Variants in NELL1 observed in about 807,000 individuals in gnomAD.
NELL1 encodes the protein protein kinase C-binding protein NELL1.
NELL1 carries 76 observed loss-of-function variants against 107.4 expected under a neutral mutation model. The ratio of observed to expected loss-of-function variants is 0.71; its 90% confidence interval spans 0.59 to 0.86. The LOEUF (loss-of-function observed/expected upper bound fraction) is 0.86. Among genes scored for constraint, NELL1 ranks in the 40% least tolerant of loss-of-function variants. The pLI, the probability that NELL1 is intolerant of heterozygous loss-of-function variation, is 0.00. For missense variants in NELL1, 1,024 were observed against 1,005.5 expected, an observed-to-expected ratio of 1.02 and a Z score of -0.25; for synonymous variants, 353 against 341.2, an observed-to-expected ratio of 1.03 and a Z score of -0.38.
intron 3 of NELL1, among the ~76,000 whole-genome samples, chr11:20,791,576 A>G (rs916249929): frequency 1.3e-5 from 2 of 152,090 alleles, no homozygotes; most frequent in African/African-American, 2.4e-5. Flanking sequence ...TTTATACCAA[A>G]TTGCCCTGGC....
chr11:20,891,127 C>T (rs561596599), intron 5 of NELL1, among the ~76,000 whole-genome samples: 26 of 152,292 alleles, frequency 1.7e-4, no homozygotes, highest in Admixed American at 1.6e-3. Flanking sequence ...ACCAAGTCAC[C>T]TACAAAGGGA....
chr11:21,468,398 C>T (rs1854084364), intron 15 of NELL1, among the ~76,000 whole-genome samples: 1 of 151,892 alleles, frequency 6.6e-6, no homozygotes, highest in South Asian at 2.1e-4. Context: ...TGTTTTCTGC[C>T]TAACGTTATG....
intron 14 of NELL1, among the ~76,000 whole-genome samples, chr11:21,280,864 C>T (rs976093356): frequency 5.9e-5 from 9 of 152,028 alleles, no homozygotes; most frequent in Non-Finnish European, 1.0e-4. Flanking sequence ...AAAGCCTAGG[C>T]TCTAAACAGT....
intron 12 of NELL1, among the ~76,000 whole-genome samples, chr11:21,024,406 T>C (rs1320760274): frequency 6.6e-6 from 1 of 152,162 alleles, no homozygotes; most frequent in South Asian, 2.1e-4. Flanking sequence ...TGGACTCATA[T>C]GGTCCCCATA....
intron 15 of NELL1, among the ~76,000 whole-genome samples, chr11:21,408,435 T>C (rs1279519781): frequency 6.6e-6 from 1 of 152,092 alleles, no homozygotes; most frequent in East Asian, 1.9e-4. Context: ...AGGAGGCCAA[T>C]TGCTTTAGGG....
At position 21,409,876 on chromosome 11, in the gene NELL1, C is replaced by T. The variant is rs554945638; in HGVS notation, c.1645+38928C>T. Among the ~76,000 whole-genome samples, 5 of 150,898 alleles carry T rather than the reference C, an allele frequency of 3.3e-5. No homozygotes were observed. In the South Asian group the frequency reaches 6.3e-4, roughly 19 times the overall value. On this transcript the variant is annotated intron_variant, in intron 15 of 19. Transcript: ENST00000357134. ...CTCTCACACACAAACATATGCATGACGATGAGAAAACAAAAAATGAAAGAA... is the reference window on the plus strand; with the variant it reads ...CTCTCACACACAAACATATGCATGATGATGAGAAAACAAAAAATGAAAGAA...
intron 3 of NELL1, among the ~76,000 whole-genome samples, chr11:20,795,234 G>C (rs1349618170): frequency 3.3e-5 from 5 of 152,140 alleles, no homozygotes; most frequent in African/African-American, 1.2e-4. Context: ...AGGTAACTGA[G>C]CCAATTGAGT....
At chr11:21,543,716 T>G (rs1019812901) in intron 16 of NELL1, among the ~76,000 whole-genome samples, 2 of 152,006 alleles carry the variant, frequency 1.3e-5, no homozygotes, top group African/African-American at 4.8e-5. Context: ...GCATGTGGGC[T>G]AAATTGGATA....
At chr11:21,356,884 A>G (rs1337411241) in intron 14 of NELL1, among the ~76,000 whole-genome samples, 1 of 152,158 alleles carries the variant, frequency 6.6e-6, no homozygotes, top group Admixed American at 6.5e-5. Flanking sequence ...GCTCCCACTT[A>G]TCAGTGAGAA....
intron 14 of NELL1, among the ~76,000 whole-genome samples, chr11:21,344,723 T>C (rs533217570): frequency 5.3e-5 from 8 of 152,304 alleles, no homozygotes; most frequent in East Asian, 1.9e-4. Flanking sequence ...AATCAAGTGA[T>C]AGCCAACGCA....
intron 12 of NELL1, among the ~76,000 whole-genome samples, chr11:20,977,747 C>T (rs1476921624): frequency 6.6e-6 from 1 of 152,168 alleles, no homozygotes; most frequent in African/African-American, 2.4e-5. Context: ...ACCAGCCTTG[C>T]CTGGCACATA....
chr11:21,356,043 T>C (rs1047299894), intron 14 of NELL1, among the ~76,000 whole-genome samples: 2 of 152,162 alleles, frequency 1.3e-5, no homozygotes, highest in Admixed American at 6.6e-5. Context: ...CCGTTATATG[T>C]CACCCTATTT....
At chr11:20,700,542 A>T (rs962688694) in intron 2 of NELL1, among the ~76,000 whole-genome samples, 1 of 151,952 alleles carries the variant, frequency 6.6e-6, no homozygotes, top group South Asian at 2.1e-4. Flanking sequence ...TACTTCTAGG[A>T]TACATGTGCA....
intron 14 of NELL1, chr11:21,285,083 A>G (rs1391635131): frequency 2.6e-5 from 4 of 153,424 alleles, no homozygotes; most frequent in African/African-American, 9.7e-5. Context: ...TTATCCTTTA[A>G]TTCACAAGCA....
chr11:20,791,453 A>G (rs1482852042), intron 3 of NELL1, among the ~76,000 whole-genome samples: 2 of 152,224 alleles, frequency 1.3e-5, no homozygotes, highest in Admixed American at 6.5e-5. Context: ...CTTATTGATT[A>G]GTTCTAATAG....
intron 14 of NELL1, among the ~76,000 whole-genome samples, chr11:21,293,971 A>G (rs1397863554): frequency 6.6e-6 from 1 of 152,068 alleles, no homozygotes; most frequent in East Asian, 1.9e-4. Context: ...AGGAGAAATA[A>G]CTAATGTAGA....
At chr11:21,542,405 A>G (rs1856312947) in intron 16 of NELL1, among the ~76,000 whole-genome samples, 1 of 152,048 alleles carries the variant, frequency 6.6e-6, no homozygotes, top group Non-Finnish European at 1.5e-5. Context: ...GAGATTGAAA[A>G]TACAAAAAAA....
At position 20,880,976 on chromosome 11, in the gene NELL1, C is replaced by A. The variant is rs79829481; in HGVS notation, c.507-4468C>A. 8.4e-3 allele frequency among the ~76,000 whole-genome samples: 1,274 copies of A among 152,222 alleles called. 16 individuals are homozygous for A. Among genetic ancestry groups the A allele is most frequent in the African/African-American group, 0.029 (1,219 of 41,528 alleles). ...GGCAGGCTTAGAAGTGGGGCACAAC[C>A]TTTCCACTTCCATTCCATAGCCACA... On this transcript the variant is annotated intron_variant, in intron 4 of 19. Transcript: ENST00000357134.
At chr11:20,844,526 C>T (rs1848671556) in intron 3 of NELL1, among the ~76,000 whole-genome samples, 1 of 152,140 alleles carries the variant, frequency 6.6e-6, no homozygotes, top group African/African-American at 2.4e-5. Context: ...GACCCCAATA[C>T]ACCTGAGTCC....
Sources: allele counts gnomAD v4.1 joint callset (sites outside exome capture counted in the v4.1 genomes callset), GRCh38; gene constraint gnomAD v4.1.1; transcripts MANE v1.5; gene names NCBI Gene and HGNC (gene_info 2026-07-23, HGNC 2026-07-21).